SLC37A1: variants seen among roughly 807,000 people sequenced by gnomAD.
The protein encoded by SLC37A1 is solute carrier family 37 member 1.
In SLC37A1, 49 loss-of-function variants were observed where a neutral mutation model predicts 75.3. The observed-to-expected ratio is 0.65, with a 90% CI of 0.52 to 0.83. The LOEUF (loss-of-function observed/expected upper bound fraction) is 0.83. SLC37A1 is among the 40% of genes least tolerant of loss of function. The probability of loss-of-function intolerance (pLI) is 0.00; values close to 1 mark genes in which losing one functional copy is unlikely to be tolerated. For missense variants in SLC37A1, 566 were observed against 695.0 expected (o/e 0.81, Z 2.09); for synonymous variants, 268 against 292.1 (o/e 0.92, Z 0.84).
At chr21:42,563,963 G>T (rs574200303) in intron 13 of SLC37A1, 86 bp downstream of exon 13, 1 of 1,441,982 alleles carries the variant, frequency 6.9e-7, no homozygotes, top group Non-Finnish European at 9.7e-7. Context: ...AGGGGAACAG[G>T]GTTCCCCAAG....
chr21:42,534,627 CT>C, intron 3 of SLC37A1, 70 bp from the exon 4 acceptor site: 1 of 1,545,010 alleles, frequency 6.5e-7, no homozygotes, highest in Admixed American at 1.8e-5. Flanking sequence ...GACTGTTCCT[CT>C]CTGTGCCCCA....
intron 3 of SLC37A1, 182 bp downstream of exon 3, chr21:42,526,039 T>G: frequency 1.8e-6 from 1 of 552,220 alleles, no homozygotes; most frequent in Non-Finnish European, 3.2e-6. Context: ...TTTAAATGTT[T>G]TTTGGATTTA....
intron 17 of SLC37A1, among the ~76,000 whole-genome samples, chr21:42,569,531 TCG>T (rs1205314583): frequency 4.1e-5 from 1 of 24,296 alleles, no homozygotes; most frequent in East Asian, 3.0e-4. Context: ...CCGCACTCCC[TCG>T]TGCCGCACTC....
chr21:42,535,283 C>G (rs534173330), intron 4 of SLC37A1, among the ~76,000 whole-genome samples, 189 bp from the exon 5 acceptor site: 1 of 152,230 alleles, frequency 6.6e-6, no homozygotes, highest in African/African-American at 2.4e-5. Context: ...TTTGAAACTG[C>G]GGTGACTTCA....
chr21:42,533,097 AG>A lies in SLC37A1; in HGVS notation c.139-1594del, dbSNP rs200728445. On this transcript the variant is annotated intron_variant, in intron 3 of 19. Transcript: ENST00000352133. ...CCTTGTTGGCCACTCCCTCCTGAAG[AG>A]GGGGGGCAGGACTTCCGGCTGCTGC... is the stretch of plus-strand genomic sequence containing the variant. Among the ~76,000 whole-genome samples the A allele has an allele frequency of 5.8e-3, 889 of 152,042 alleles. 23 individuals carry two copies. The highest frequency in any genetic ancestry group is 0.053 in the Admixed American group (809 of 15,294).
chr21:42,521,133 T>C (rs929463391), intron 2 of SLC37A1, among the ~76,000 whole-genome samples: 1 of 152,196 alleles, frequency 6.6e-6, no homozygotes, highest in Non-Finnish European at 1.5e-5. Context: ...AGGAACAGGA[T>C]ATCTACATTA....
intron 1 of SLC37A1, among the ~76,000 whole-genome samples, chr21:42,516,788 C>T (rs894735372): frequency 2.6e-5 from 4 of 152,118 alleles, no homozygotes; most frequent in African/African-American, 4.8e-5. Context: ...TTTCCAGACA[C>T]GCTGGACATG....
chr21:42,571,113 C>T (rs1467469042), intron 17 of SLC37A1, among the ~76,000 whole-genome samples: 2 of 152,234 alleles, frequency 1.3e-5, no homozygotes, highest in Non-Finnish European at 2.9e-5. Context: ...ACCACCACGC[C>T]TTGGTCATTG....
intron 5 of SLC37A1, among the ~76,000 whole-genome samples, chr21:42,537,650 C>T (rs1430920405): frequency 6.6e-6 from 1 of 152,154 alleles, no homozygotes; most frequent in Non-Finnish European, 1.5e-5. Flanking sequence ...ACAGAATTAC[C>T]GGAGCCAAAG....
At chr21:42,549,643 G>A (rs2055508236) in intron 9 of SLC37A1, among the ~76,000 whole-genome samples, 1 of 152,200 alleles carries the variant, frequency 6.6e-6, no homozygotes, top group African/African-American at 2.4e-5. Context: ...CGAGACCCTT[G>A]TCACGGGCCT....
chr21:42,565,955 C>G, intron 15 of SLC37A1, 80 bp downstream of exon 15: 1 of 1,422,562 alleles, frequency 7.0e-7, no homozygotes, highest in Non-Finnish European at 9.8e-7. Flanking sequence ...ATACTAAAAT[C>G]AACAGGCGCA....
intron 8 of SLC37A1, among the ~76,000 whole-genome samples, chr21:42,546,865 G>A (rs183798653): frequency 2.6e-4 from 39 of 152,364 alleles, no homozygotes; most frequent in Non-Finnish European, 5.1e-4. Flanking sequence ...GATACATAGA[G>A]ATAGTAAAAA....
At chr21:42,562,801 C>T (rs1213504190) in intron 12 of SLC37A1, among the ~76,000 whole-genome samples, 2 of 112,364 alleles carry the variant, frequency 1.8e-5, no homozygotes, top group East Asian at 2.1e-4. Flanking sequence ...TCCAGGAGCA[C>T]GTGGAGGGCT....
chr21:42,562,812 C>T (rs560363698), intron 12 of SLC37A1, among the ~76,000 whole-genome samples: 20 of 152,188 alleles, frequency 1.3e-4, no homozygotes, highest in African/African-American at 4.8e-4. Flanking sequence ...GTGGAGGGCT[C>T]TTCGCCCCGG....
chr21:42,568,293 T>C (rs1466109776), intron 16 of SLC37A1, 67 bp from the exon 17 acceptor site: 4 of 1,294,480 alleles, frequency 3.1e-6, no homozygotes, highest in African/African-American at 1.5e-5. Flanking sequence ...TAAATGGTCA[T>C]ACAGAGGCTT....
intron 3 of SLC37A1, among the ~76,000 whole-genome samples, chr21:42,532,494 C>T (rs2146819392): frequency 6.6e-6 from 1 of 152,300 alleles, no homozygotes; most frequent in South Asian, 2.1e-4. Context: ...TGCTTAGGCC[C>T]TTTGGGCGTG....
chr21:42,539,587 C>T lies in SLC37A1; in HGVS notation c.426C>T (p.Ala142=). Residue 142 remains alanine (A), a synonymous_variant, in exon 6 of 20, where the codon GCC becomes GCT. Coordinates refer to ENST00000352133, the MANE Select transcript of SLC37A1 (RefSeq NM_001320537.2). Reference sequence around the variant, plus strand: ...TGCTCGCCAGCGGAGCCTTCACCGCCCTGTTCGGCTTAGGGTATTTCTACA... The same window carrying T: ...TGCTCGCCAGCGGAGCCTTCACCGCTCTGTTCGGCTTAGGGTATTTCTACA... ...FGMLASGAFT[A]LFGLGYFYNI... The T allele has an allele frequency of 1.2e-6, 2 of 1,614,006 alleles. No homozygotes were observed. The highest frequency in any genetic ancestry group is 1.7e-6 in the Non-Finnish European group (2 of 1,179,962).
At chr21:42,526,332 G>A (rs1301334420) in intron 3 of SLC37A1, among the ~76,000 whole-genome samples, 2 of 152,222 alleles carry the variant, frequency 1.3e-5, no homozygotes, top group African/African-American at 4.8e-5. Context: ...GATTAAAGCA[G>A]ACAAGCCTAC....
At position 42,554,025 on chromosome 21, in the gene SLC37A1, A is replaced by G; in HGVS notation, c.769-37A>G. The G allele has an allele frequency of 2.6e-6, 4 of 1,541,074 alleles. No individual in the cohort carries two copies. The East Asian group carries it at 9.1e-5, about 35-fold the overall frequency. ...GCCAGGTTTAATTTCTAGCTGTTGA[A>G]TCAGTATCGCTCTAATGAAACTTTT... On this transcript the variant is annotated intron_variant, in intron 9 of 19. Transcript: ENST00000352133.
Sources: gnomAD v4.1 joint callset for allele counts (sites outside exome capture counted in the v4.1 genomes callset) on GRCh38, gnomAD v4.1.1 for gene constraint, MANE v1.5 for transcripts, NCBI Gene and HGNC (gene_info 2026-07-23, HGNC 2026-07-21) for gene names.